Variants in ZNF248 observed in about 807,000 individuals in gnomAD.
ZNF248 encodes the protein zinc finger protein 248.
In ZNF248, 20 loss-of-function variants were observed where a neutral mutation model predicts 44.3. That is an observed-to-expected ratio of 0.45 (90% CI 0.32 to 0.66). The LOEUF (loss-of-function observed/expected upper bound fraction) is 0.66. Among genes scored for constraint, ZNF248 ranks in the 30% least tolerant of loss-of-function variants. The pLI is 0.04. For missense variants in ZNF248, 654 were observed against 677.0 expected, an observed-to-expected ratio of 0.97 and a Z score of 0.38; for synonymous variants, 224 against 229.0, an observed-to-expected ratio of 0.98 and a Z score of 0.20.
chr10:37,788,912 C>G (rs2048194956), intron 6 of ZNF248, among the ~76,000 whole-genome samples: 1 of 151,012 alleles, frequency 6.6e-6, no homozygotes, highest in Non-Finnish European at 1.5e-5. Flanking sequence ...CACTTTGTCT[C>G]CCAGGCTGGA....
chr10:37,774,207 T>C (rs2046404922), downstream of ZNF248, among the ~76,000 whole-genome samples: 2 of 152,320 alleles, frequency 1.3e-5, no homozygotes, highest in South Asian at 4.1e-4. Context: ...AGATGGCACT[T>C]TGATTTCAGA....
At chr10:37,826,132 G>A (rs1045781257), downstream of ZNF248, among the ~76,000 whole-genome samples, 36 of 152,100 alleles carry the variant, frequency 2.4e-4, no homozygotes, top group Admixed American at 6.6e-4. Context: ...ACTGGTAATC[G>A]CGTATTGTAA....
At chr10:37,823,327 C>T (rs1468704876) in intron 6 of ZNF248, among the ~76,000 whole-genome samples, 4 of 100,978 alleles carry the variant, frequency 4.0e-5, no homozygotes, top group African/African-American at 8.3e-5. Context: ...AGCGAGACTC[C>T]GTCTCCAAAA....
Position 37,790,163 on chromosome 10 carries a change from C to G in ZNF248, c.331-13588G>C, listed in dbSNP as rs535612743. ...GCAGGTGCCTGCAGTCCCAACTACT[C>G]GGCAGGCTGAGGCAGGAGAATGGCG... On this transcript the variant is annotated intron_variant, in intron 6 of 6. Transcript: ENST00000615949. Among the ~76,000 whole-genome samples, 13 of 150,838 alleles carry G rather than the reference C, an allele frequency of 8.6e-5. No individual in the cohort carries two copies. In the South Asian group the frequency reaches 2.7e-3, roughly 32 times the overall value.
intron 6 of ZNF248, among the ~76,000 whole-genome samples, chr10:37,788,627 T>C (rs1275212761): frequency 6.6e-6 from 1 of 151,826 alleles, no homozygotes; most frequent in Non-Finnish European, 1.5e-5. Context: ...TCTCAAAAAA[T>C]AAAGAAAATA....
At chr10:37,823,333 CAAAAAAAAAAAA>C (rs60957023) in intron 6 of ZNF248, among the ~76,000 whole-genome samples, 5 of 17,536 alleles carry the variant, frequency 2.9e-4, no homozygotes, top group East Asian at 2.4e-3. Context: ...ACTCCGTCTC[CAAAAAAAAAAAA>C]AAAAAAAAAA....
chr10:37,808,217 T>C (rs1033015556), intron 6 of ZNF248, among the ~76,000 whole-genome samples: 1 of 152,060 alleles, frequency 6.6e-6, no homozygotes, highest in Non-Finnish European at 1.5e-5. Context: ...AAATCCTGCT[T>C]GGTCATGATA....
downstream of ZNF248, among the ~76,000 whole-genome samples, chr10:37,774,664 C>T (rs1052714638): frequency 6.6e-6 from 1 of 152,194 alleles, no homozygotes; most frequent in African/African-American, 2.4e-5. Flanking sequence ...AGGCAGCATG[C>T]ATTTCAGGCT....
intron 6 of ZNF248, among the ~76,000 whole-genome samples, chr10:37,791,006 G>A (rs2048466284): frequency 7.2e-6 from 1 of 139,096 alleles, no homozygotes; most frequent in African/African-American, 2.6e-5. Flanking sequence ...GCTGAAAAAT[G>A]GTCTATGTTT....
chr10:37,852,637 C>A (rs750096454), intron 3 of ZNF248, among the ~76,000 whole-genome samples: 21 of 149,874 alleles, frequency 1.4e-4, no homozygotes, highest in South Asian at 2.1e-4. Context: ...CTATCTCTCT[C>A]TATATATAGA....
At chr10:37,793,872 AT>A (rs1202147289) in intron 6 of ZNF248, among the ~76,000 whole-genome samples, 6 of 152,126 alleles carry the variant, frequency 3.9e-5, no homozygotes, top group African/African-American at 1.4e-4. Flanking sequence ...CTGTGATGAC[AT>A]TTCTTTTTAA....
intron 6 of ZNF248, among the ~76,000 whole-genome samples, chr10:37,817,493 T>G (rs1443890603): frequency 6.6e-6 from 1 of 152,174 alleles, no homozygotes; most frequent in African/African-American, 2.4e-5. Flanking sequence ...CCTCATTCTT[T>G]GTCCAATGAC....
At chr10:37,856,210 A>G in intron 3 of ZNF248, 86 bp downstream of exon 3, 4 of 1,478,102 alleles carry the variant, frequency 2.7e-6, no homozygotes, top group South Asian at 1.3e-5. Context: ...GCCTATTTCT[A>G]TTTTTCCATT....
chr10:37,769,353 T>C, the ZNF248 span, among the ~76,000 whole-genome samples: 2 of 152,102 alleles, frequency 1.3e-5, no homozygotes, highest in East Asian at 1.9e-4. Context: ...CCTTGATGAA[T>C]ATTGATGCAA....
chr10:37,808,997 CTA>C (rs1286500492), intron 6 of ZNF248, among the ~76,000 whole-genome samples: 2 of 152,162 alleles, frequency 1.3e-5, no homozygotes, highest in Admixed American at 6.5e-5. Context: ...GCCATTTCAT[CTA>C]TGTTATCCAA....
chr10:37,764,309 C>T, the ZNF248 span, among the ~76,000 whole-genome samples: 154 of 152,284 alleles, frequency 1.0e-3, no homozygotes, highest in African/African-American at 3.2e-3. Flanking sequence ...AGCAAATTCC[C>T]GCCTAATAAA....
intron 6 of ZNF248, among the ~76,000 whole-genome samples, chr10:37,823,605 G>A (rs888950736): frequency 5.3e-5 from 8 of 151,752 alleles, no homozygotes; most frequent in East Asian, 2.0e-4. Flanking sequence ...ACAGAGTCTC[G>A]CTCTGTTGCC....
At chr10:37,819,187 T>C in intron 6 of ZNF248, 1 of 794,444 alleles carries the variant, frequency 1.3e-6, no homozygotes, top group Non-Finnish European at 2.3e-6. Flanking sequence ...TTAAGTACTT[T>C]AAAGCATTTA....
chr10:37,823,206 T>G (rs1164837114), intron 6 of ZNF248, among the ~76,000 whole-genome samples: 4 of 151,466 alleles, frequency 2.6e-5, no homozygotes, highest in African/African-American at 9.7e-5. Context: ...TGGTGGCACG[T>G]GCCTGTAGTC....
Sources: allele counts gnomAD v4.1 joint callset (sites outside exome capture counted in the v4.1 genomes callset), GRCh38; gene constraint gnomAD v4.1.1; transcripts MANE v1.5; gene names NCBI Gene and HGNC (gene_info 2026-07-23, HGNC 2026-07-21).